Variants in CCL28 observed in about 807,000 individuals in gnomAD.
CCL28 encodes C-C motif chemokine 28.
A neutral mutation model predicts 7.1 loss-of-function variants in CCL28; 4 were observed. That is an observed-to-expected ratio of 0.56 (90% CI 0.28 to 1.29). The LOEUF is 1.29. CCL28 is among the 50% of genes most tolerant of loss of function. The pLI is 0.11. For missense variants in CCL28, 151 were observed against 163.4 expected (o/e 0.92, Z 0.41); for synonymous variants, 55 against 57.8 (o/e 0.95, Z 0.22).
At chr5:43,396,644 G>A (rs1226365939) in intron 1 of CCL28, among the ~76,000 whole-genome samples, 5 of 151,976 alleles carry the variant, frequency 3.3e-5, no homozygotes, top group African/African-American at 1.2e-4. Flanking sequence ...TAATGGGTGG[G>A]GTACAGTTAA....
At chr5:43,388,311 AC>A in intron 2 of CCL28, 38 bp downstream of exon 2, 1 of 1,608,376 alleles carries the variant, frequency 6.2e-7, no homozygotes, top group East Asian at 2.2e-5. Flanking sequence ...GGAAATAATC[AC>A]TGTGCAGGTT....
the CCL28 span, among the ~76,000 whole-genome samples, chr5:43,365,506 G>A: frequency 6.6e-6 from 1 of 152,102 alleles, no homozygotes; most frequent in Non-Finnish European, 1.5e-5. Context: ...GGCTGGTATT[G>A]TTGTTTTTTT....
chr5:43,394,020 C>CT (rs969277996), intron 1 of CCL28, among the ~76,000 whole-genome samples: 11 of 152,062 alleles, frequency 7.2e-5, no homozygotes, highest in Non-Finnish European at 1.5e-4. Flanking sequence ...CTCAGTAATA[C>CT]TTTTTTTTCT....
downstream of CCL28, among the ~76,000 whole-genome samples, chr5:43,378,371 G>A (rs1739970777): frequency 1.3e-5 from 2 of 151,902 alleles, no homozygotes; most frequent in African/African-American, 2.4e-5. Flanking sequence ...ATTACAAGAT[G>A]TTGCCTCAAG....
chr5:43,372,728 G>A (rs1193132984), downstream of CCL28, among the ~76,000 whole-genome samples: 1 of 150,518 alleles, frequency 6.6e-6, no homozygotes, highest in Non-Finnish European at 1.5e-5. Flanking sequence ...ACTGTTGATG[G>A]ACACTTAGGT....
intron 1 of CCL28, among the ~76,000 whole-genome samples, chr5:43,392,209 G>A (rs1307507983): frequency 2.0e-5 from 3 of 152,002 alleles, no homozygotes; most frequent in African/African-American, 4.8e-5. Flanking sequence ...CTCCGTCTCC[G>A]GGGTTCAAGA....
the CCL28 span, among the ~76,000 whole-genome samples, chr5:43,365,028 T>C: frequency 7.4e-6 from 1 of 134,500 alleles, no homozygotes; most frequent in African/African-American, 2.9e-5. Context: ...TTTTTTGAGA[T>C]GGCGTCTTGG....
chr5:43,370,119 G>A, the CCL28 span, among the ~76,000 whole-genome samples: 994 of 152,304 alleles, frequency 6.5e-3, 16 homozygotes, highest in African/African-American at 0.021. Flanking sequence ...CCACATAAAA[G>A]ACTTCAAGTG....
chr5:43,367,114 A>C, the CCL28 span, among the ~76,000 whole-genome samples: 2 of 152,214 alleles, frequency 1.3e-5, no homozygotes, highest in Non-Finnish European at 1.5e-5. Flanking sequence ...GGTGGACTTC[A>C]GACTGCTGTG....
chr5:43,411,911 CAG>C (rs1473752763), intron 1 of CCL28, among the ~76,000 whole-genome samples: 1 of 152,174 alleles, frequency 6.6e-6, no homozygotes, highest in East Asian at 1.9e-4. Flanking sequence ...TGGAGGAAGA[CAG>C]ATGAATAGTA....
chr5:43,366,959 G>A, the CCL28 span, among the ~76,000 whole-genome samples: 1 of 152,224 alleles, frequency 6.6e-6, no homozygotes, highest in Admixed American at 6.5e-5. Flanking sequence ...TTGTGTTTAT[G>A]CTTTGTTTAC....
the CCL28 span, among the ~76,000 whole-genome samples, chr5:43,364,720 C>A: frequency 6.6e-6 from 1 of 152,060 alleles, no homozygotes; most frequent in African/African-American, 2.4e-5. Flanking sequence ...TAAGAACTTG[C>A]TTTATGAATC....
chr5:43,403,699 A>G (rs1348475871), intron 1 of CCL28, among the ~76,000 whole-genome samples: 1 of 152,220 alleles, frequency 6.6e-6, no homozygotes, highest in Admixed American at 6.5e-5. Context: ...GCTTCAGATG[A>G]TCAAACTACT....
chr5:43,390,832 T>G (rs1278197385), intron 1 of CCL28, among the ~76,000 whole-genome samples: 4 of 152,246 alleles, frequency 2.6e-5, no homozygotes, highest in Non-Finnish European at 5.9e-5. Flanking sequence ...AACTTTGTAA[T>G]TACTGCCAGG....
intron 1 of CCL28, among the ~76,000 whole-genome samples, chr5:43,399,949 G>C (rs6451689): frequency 0.035 from 5,342 of 151,708 alleles, 257 homozygotes; most frequent in African/African-American, 0.11. Context: ...AGGCTCAAGT[G>C]ATCCTCCTGC....
the CCL28 span, among the ~76,000 whole-genome samples, chr5:43,369,810 C>A: frequency 2.0e-5 from 3 of 152,178 alleles, no homozygotes; most frequent in African/African-American, 7.2e-5. Flanking sequence ...GGTATACAGT[C>A]CCTTCCCAAA....
chr5:43,367,939 C>A, the CCL28 span, among the ~76,000 whole-genome samples: 3 of 152,176 alleles, frequency 2.0e-5, no homozygotes, highest in Non-Finnish European at 4.4e-5. Context: ...CAAGTCACTA[C>A]CCAGAACTGC....
At chr5:43,367,017 CGT>C in the CCL28 span, among the ~76,000 whole-genome samples, 1 of 152,158 alleles carries the variant, frequency 6.6e-6, no homozygotes, top group African/African-American at 2.4e-5. Flanking sequence ...GTGTTTACAC[CGT>C]GTTTGTGTTT....
chr5:43,367,094 G>A, the CCL28 span, among the ~76,000 whole-genome samples: 1 of 152,226 alleles, frequency 6.6e-6, no homozygotes, highest in African/African-American at 2.4e-5. Flanking sequence ...CACCAAGCTT[G>A]AGCACCCCAG....
Sources: gnomAD v4.1 joint callset for allele counts (sites outside exome capture counted in the v4.1 genomes callset) on GRCh38, gnomAD v4.1.1 for gene constraint, MANE v1.5 for transcripts, NCBI Gene and HGNC (gene_info 2026-07-23, HGNC 2026-07-21) for gene names.